DLGAP2: variants seen among roughly 807,000 people sequenced by gnomAD.
DLGAP2 encodes DLG associated protein 2.
DLGAP2 carries 26 observed loss-of-function variants against 100.3 expected under a neutral mutation model. The ratio of observed to expected loss-of-function variants is 0.26; its 90% CI spans 0.19 to 0.36. The LOEUF (loss-of-function observed/expected upper bound fraction) is 0.36. Among genes scored for constraint, DLGAP2 ranks in the 10% least tolerant of loss-of-function variants. The probability of loss-of-function intolerance (pLI) is 1.00; values close to 1 mark genes in which losing one functional copy is unlikely to be tolerated. For synonymous variants in DLGAP2, 886 were observed against 630.1 expected (o/e 1.41, Z -6.08); for missense variants, 1,858 against 1,453.2 (o/e 1.28, Z -4.53).
At chr8:768,596 T>C (rs951168251) in intron 1 of DLGAP2, among the ~76,000 whole-genome samples, 6 of 151,844 alleles carry the variant, frequency 4.0e-5, no homozygotes, top group African/African-American at 1.4e-4. Flanking sequence ...GGCTAATTTT[T>C]TGTATTTTTA....
intron 10 of DLGAP2, among the ~76,000 whole-genome samples, chr8:1,675,438 G>T (rs1356429693): frequency 6.6e-6 from 1 of 152,218 alleles, no homozygotes; most frequent in Non-Finnish European, 1.5e-5. Context: ...CCTAGTGCCT[G>T]GCGCAGGGTA....
intron 3 of DLGAP2, among the ~76,000 whole-genome samples, chr8:1,303,938 G>A (rs141509127): frequency 2.3e-3 from 345 of 152,250 alleles, no homozygotes; most frequent in African/African-American, 7.8e-3. Flanking sequence ...AAATGGAGCC[G>A]CTGATGCACT....
chr8:1,071,256 T>C (rs1198754584), intron 2 of DLGAP2, among the ~76,000 whole-genome samples: 1 of 152,238 alleles, frequency 6.6e-6, no homozygotes, highest in East Asian at 1.9e-4. Context: ...TAAGTTAGAC[T>C]ACACTTGTCA....
chr8:788,400 G>A (rs1380865438), intron 1 of DLGAP2, among the ~76,000 whole-genome samples: 2 of 152,170 alleles, frequency 1.3e-5, no homozygotes, highest in African/African-American at 2.4e-5. Context: ...CTTGGCATCC[G>A]TGTCCACGTG....
chr8:1,268,097 C>G (rs1387508128), intron 3 of DLGAP2, among the ~76,000 whole-genome samples: 1 of 152,192 alleles, frequency 6.6e-6, no homozygotes, highest in Admixed American at 6.5e-5. Context: ...ATAAAATTCA[C>G]AAATAAACCC....
intron 2 of DLGAP2, among the ~76,000 whole-genome samples, chr8:1,174,024 C>T (rs965219147): frequency 8.5e-5 from 13 of 152,238 alleles, no homozygotes; most frequent in Admixed American, 3.9e-4. Context: ...CATCTTGGCT[C>T]CTCCGCTCGA....
intron 6 of DLGAP2, among the ~76,000 whole-genome samples, chr8:1,605,071 T>G (rs1028578737): frequency 1.3e-5 from 2 of 152,164 alleles, no homozygotes; most frequent in East Asian, 3.9e-4. Context: ...CCAACCTCGG[T>G]GCCATCGGCT....
chr8:1,286,960 G>A lies in DLGAP2; in HGVS notation c.106+28077G>A, dbSNP rs373572173. 1.8e-4 allele frequency among the ~76,000 whole-genome samples: 28 copies of A among 152,358 alleles called. No individual in the cohort carries two copies. In the South Asian group the frequency reaches 5.8e-3, roughly 32 times the overall value. On this transcript the variant is annotated intron_variant, in intron 3 of 14. Coordinates refer to ENST00000637795, the MANE Select transcript of DLGAP2 (RefSeq NM_001346810.2). Reference sequence around the variant, plus strand: ...GGCCATCAGCAAGTTATTTTAGGCAGTTATAAACCTTAGCAAATTATTTTT... The same window carrying A: ...GGCCATCAGCAAGTTATTTTAGGCAATTATAAACCTTAGCAAATTATTTTT...
intron 3 of DLGAP2, among the ~76,000 whole-genome samples, chr8:1,370,895 G>A (rs1802221556): frequency 6.6e-6 from 1 of 152,240 alleles, no homozygotes; most frequent in Non-Finnish European, 1.5e-5. Context: ...TCATCTGTGT[G>A]TTAGGTGCCT....
At chr8:1,094,348 AG>A (rs748395411) in intron 2 of DLGAP2, among the ~76,000 whole-genome samples, 2 of 152,270 alleles carry the variant, frequency 1.3e-5, no homozygotes, top group African/African-American at 2.4e-5. Flanking sequence ...TAACGGAGTT[AG>A]AAAGTCACAA....
intron 2 of DLGAP2, chr8:1,246,831 GAT>G (rs1798912081): frequency 6.6e-6 from 1 of 150,604 alleles, no homozygotes; most frequent in African/African-American, 2.5e-5. Context: ...GTGTGGGAGT[GAT>G]GGCCCACGTC....
At position 1,477,424 on chromosome 8, in the gene DLGAP2, C is replaced by T. The variant is rs147026194; in HGVS notation, c.107-23942C>T. Among the ~76,000 whole-genome samples, 929 of 152,328 alleles carry T rather than the reference C, an allele frequency of 6.1e-3. 6 individuals carry two copies. The highest frequency in any genetic ancestry group is 0.019 in the African/African-American group (771 of 41,568). On this transcript the variant is annotated intron_variant, in intron 3 of 14. Coordinates refer to ENST00000637795, the MANE Select transcript of DLGAP2 (RefSeq NM_001346810.2). ...CTCTCTCCCCACCCCTGTGAATCTC[C>T]GCTTTGCCTGTCCCTGCTGGGCCGA...
chr8:1,704,500 C>G lies in DLGAP2; in HGVS notation c.*3094C>G, dbSNP rs1469471089. ...AGAGTGCTTTCCTTGTGATGCGTCT[C>G]TCGCATCTTCACGTGTTGTTGTGTT... On this transcript the variant is annotated 3_prime_UTR_variant, in exon 15 of 15. Coordinates refer to ENST00000637795, the MANE Select transcript of DLGAP2 (RefSeq NM_001346810.2). The G allele has an allele frequency of 6.6e-6, 1 of 152,228 alleles. No individual in the cohort carries two copies. The highest frequency in any genetic ancestry group is 1.5e-5 in the Non-Finnish European group (1 of 68,046). The allele number at this position is 152,228 out of a possible 1,614,324, so 9.4% of individuals were successfully genotyped here. A position where few individuals can be genotyped will look rare whatever the true frequency, so the allele number is the denominator to read the frequency against.
intron 2 of DLGAP2, among the ~76,000 whole-genome samples, chr8:1,140,955 C>A (rs1585097934): frequency 2.6e-5 from 4 of 152,264 alleles, no homozygotes; most frequent in African/African-American, 9.6e-5. Flanking sequence ...TGCACTCCAG[C>A]CTGGGTGACA....
chr8:915,275 C>A (rs1469934256), intron 2 of DLGAP2, among the ~76,000 whole-genome samples: 2 of 152,114 alleles, frequency 1.3e-5, no homozygotes, highest in Non-Finnish European at 2.9e-5. Context: ...GGGCTGGGCG[C>A]GGTGGCTCAC....
At chr8:813,658 C>G (rs771056604) in intron 1 of DLGAP2, among the ~76,000 whole-genome samples, 1 of 152,176 alleles carries the variant, frequency 6.6e-6, no homozygotes, top group African/African-American at 2.4e-5. Flanking sequence ...GCTGAACCCT[C>G]CTCCAGGGGC....
At chr8:1,028,725 T>C (rs1801889781) in intron 2 of DLGAP2, among the ~76,000 whole-genome samples, 1 of 152,230 alleles carries the variant, frequency 6.6e-6, no homozygotes, top group Non-Finnish European at 1.5e-5. Flanking sequence ...TCACTGCTAC[T>C]GTCAACCATG....
At chr8:1,332,135 G>T (rs1292045038) in intron 3 of DLGAP2, among the ~76,000 whole-genome samples, 1 of 152,222 alleles carries the variant, frequency 6.6e-6, no homozygotes, top group Admixed American at 6.5e-5. Flanking sequence ...ATGTGTCCTG[G>T]TGTAGAAATG....
chr8:1,267,588 T>TAAAAC (rs1259205393), intron 3 of DLGAP2, among the ~76,000 whole-genome samples: 3 of 33,972 alleles, frequency 8.8e-5, no homozygotes, highest in African/African-American at 2.8e-4. Flanking sequence ...TAAAATAAAA[T>TAAAAC]AAGATAAGAT....
Sources: allele counts gnomAD v4.1 joint callset (sites outside exome capture counted in the v4.1 genomes callset), GRCh38; gene constraint gnomAD v4.1.1; transcripts MANE v1.5; gene names NCBI Gene and HGNC (gene_info 2026-07-23, HGNC 2026-07-21).